The following SEMA6D variants were observed in gnomAD, a reference collection of about 807,000 sequenced individuals.
SEMA6D encodes semaphorin 6D.
In SEMA6D, 35 loss-of-function variants were observed where a neutral mutation model predicts 106.6. That is an observed-to-expected ratio of 0.33 (90% CI 0.25 to 0.44). The LOEUF (loss-of-function observed/expected upper bound fraction) is 0.44, where lower values mean the gene tolerates loss of function less well. SEMA6D is among the 20% of genes least tolerant of loss of function. The probability of loss-of-function intolerance (pLI) is 1.00; values close to 1 mark genes in which losing one functional copy is unlikely to be tolerated. For missense variants in SEMA6D, 1,185 were observed against 1,345.9 expected, an observed-to-expected ratio of 0.88 and a Z score of 1.87; for synonymous variants, 499 against 487.7, an observed-to-expected ratio of 1.02 and a Z score of -0.31.
intron 4 of SEMA6D, among the ~76,000 whole-genome samples, chr15:47,614,349 A>G (rs2076968366): frequency 1.3e-5 from 2 of 152,214 alleles, no homozygotes; most frequent in African/African-American, 4.8e-5. Context: ...CAGGCAATAC[A>G]TAACCATTCA....
At chr15:47,693,047 G>A (rs2078623110) in intron 4 of SEMA6D, among the ~76,000 whole-genome samples, 1 of 152,254 alleles carries the variant, frequency 6.6e-6, no homozygotes. Context: ...CTTATAGGCT[G>A]TAGTTCTAAC....
At chr15:47,635,391 C>G (rs2077369491) in intron 4 of SEMA6D, among the ~76,000 whole-genome samples, 1 of 152,066 alleles carries the variant, frequency 6.6e-6, no homozygotes, top group Non-Finnish European at 1.5e-5. Context: ...AGGCATGACC[C>G]TAGATTGGTT....
chr15:47,664,155 A>G (rs557182835), intron 4 of SEMA6D, among the ~76,000 whole-genome samples: 1 of 152,298 alleles, frequency 6.6e-6, no homozygotes, highest in East Asian at 1.9e-4. Context: ...ACCATTATTT[A>G]TTTATAGCTA....
intron 4 of SEMA6D, among the ~76,000 whole-genome samples, chr15:47,640,293 C>T (rs2077465396): frequency 6.6e-6 from 1 of 152,134 alleles, no homozygotes; most frequent in Non-Finnish European, 1.5e-5. Context: ...AGGGAAAGCC[C>T]TGCAGATGGG....
intron 1 of SEMA6D, among the ~76,000 whole-genome samples, chr15:47,353,767 A>T (rs534010271): frequency 6.6e-6 from 1 of 152,166 alleles, no homozygotes; most frequent in Non-Finnish European, 1.5e-5. Context: ...TCTAGAAAGA[A>T]TGAATGCACT....
intron 3 of SEMA6D, among the ~76,000 whole-genome samples, chr15:47,500,874 T>C (rs970795535): frequency 1.3e-5 from 2 of 152,012 alleles, no homozygotes; most frequent in Non-Finnish European, 2.9e-5. Context: ...GAGGAGAGAG[T>C]GTCTTAGAGT....
intron 18 of SEMA6D, among the ~76,000 whole-genome samples, chr15:47,769,527 G>A (rs543046327): frequency 4.3e-4 from 65 of 151,936 alleles, no homozygotes; most frequent in South Asian, 1.0e-3. Flanking sequence ...GTCTTTCACA[G>A]TGCCACTGAA....
intron 4 of SEMA6D, among the ~76,000 whole-genome samples, chr15:47,628,015 T>C (rs1225577665): frequency 6.6e-6 from 1 of 152,122 alleles, no homozygotes; most frequent in African/African-American, 2.4e-5. Context: ...CATGTATCAA[T>C]AATTTGTTTC....
intron 1 of SEMA6D, among the ~76,000 whole-genome samples, chr15:47,295,186 T>C (rs2035758115): frequency 6.6e-6 from 1 of 152,242 alleles, no homozygotes; most frequent in African/African-American, 2.4e-5. Flanking sequence ...ATACACATAC[T>C]TATGTATCTT....
chr15:47,727,744 G>A (rs537267482), intron 1 of SEMA6D, among the ~76,000 whole-genome samples: 21 of 151,796 alleles, frequency 1.4e-4, no homozygotes, highest in South Asian at 1.0e-3. Context: ...CTGCTGACCG[G>A]CCTATATCAT....
intron 4 of SEMA6D, among the ~76,000 whole-genome samples, chr15:47,638,421 G>C (rs1299786293): frequency 2.6e-5 from 4 of 152,118 alleles, no homozygotes; most frequent in Non-Finnish European, 5.9e-5. Context: ...GAGATTTTTA[G>C]AATGATATCA....
chr15:47,276,594 A>T (rs2034827227), intron 1 of SEMA6D, among the ~76,000 whole-genome samples: 1 of 152,186 alleles, frequency 6.6e-6, no homozygotes, highest in South Asian at 2.1e-4. Context: ...ATATTTTAAG[A>T]CTATTGTGAA....
intron 1 of SEMA6D, chr15:47,185,554 G>A (rs566747108): frequency 6.6e-6 from 1 of 151,752 alleles, no homozygotes; most frequent in East Asian, 1.9e-4. Flanking sequence ...TCAGCTAGTC[G>A]AGTTGCATGG....
At chr15:47,559,019 T>C (rs1473915147) in intron 3 of SEMA6D, among the ~76,000 whole-genome samples, 2 of 152,004 alleles carry the variant, frequency 1.3e-5, no homozygotes, top group Non-Finnish European at 2.9e-5. Context: ...AGAAAACTCA[T>C]GGAAGCGTGA....
chr15:47,530,103 A>G (rs2044907509), intron 3 of SEMA6D, among the ~76,000 whole-genome samples: 1 of 152,212 alleles, frequency 6.6e-6, no homozygotes, highest in Non-Finnish European at 1.5e-5. Context: ...GTTTCCTGTC[A>G]TGCTTTTGGG....
At chr15:47,610,698 T>G (rs1487209155) in intron 4 of SEMA6D, among the ~76,000 whole-genome samples, 1 of 152,240 alleles carries the variant, frequency 6.6e-6, no homozygotes, top group Non-Finnish European at 1.5e-5. Flanking sequence ...TTCCAAATTC[T>G]TAATATAAGT....
At chr15:47,400,590 A>G (rs1469203561) in intron 1 of SEMA6D, among the ~76,000 whole-genome samples, 1 of 152,104 alleles carries the variant, frequency 6.6e-6, no homozygotes, top group Non-Finnish European at 1.5e-5. Context: ...GCTGACATTT[A>G]TAAGGACCTA....
At chr15:47,562,237 T>C (rs2142713695) in intron 3 of SEMA6D, among the ~76,000 whole-genome samples, 1 of 152,030 alleles carries the variant, frequency 6.6e-6, no homozygotes, top group East Asian at 1.9e-4. Context: ...CAATTAGATA[T>C]CCACTTGCAA....
chr15:47,419,996 T>C (rs1404692806), intron 2 of SEMA6D, among the ~76,000 whole-genome samples: 1 of 152,102 alleles, frequency 6.6e-6, no homozygotes, highest in Non-Finnish European at 1.5e-5. Context: ...AAGAGAGTTA[T>C]ATGCAAGTTT....
Sources: gnomAD v4.1 joint callset for allele counts (sites outside exome capture counted in the v4.1 genomes callset) on GRCh38, gnomAD v4.1.1 for gene constraint, MANE v1.5 for transcripts, NCBI Gene and HGNC (gene_info 2026-07-23, HGNC 2026-07-21) for gene names.